ATXN8OS: variants seen among roughly 807,000 people sequenced by gnomAD.
ATXN8OS encodes ATXN8 opposite strand lncRNA.
At chr13:70,165,915 G>A (rs1265583251) in intron 4 of ATXN8OS, among the ~76,000 whole-genome samples, 3 of 151,918 alleles carry the variant, frequency 2.0e-5, no homozygotes, top group Admixed American at 1.3e-4. Context: ...AGCACAGAAA[G>A]TAAAATAATA....
intron 4 of ATXN8OS, among the ~76,000 whole-genome samples, chr13:70,152,581 TAATTC>T (rs1348702800): frequency 6.6e-6 from 1 of 152,010 alleles, no homozygotes; most frequent in Non-Finnish European, 1.5e-5. Context: ...TTTTTTCACT[TAATTC>T]ATCATGCATG....
intron 4 of ATXN8OS, among the ~76,000 whole-genome samples, chr13:70,167,853 A>G (rs1415643584): frequency 6.9e-6 from 1 of 145,036 alleles, no homozygotes; most frequent in East Asian, 2.1e-4. Flanking sequence ...CTCCCACCTC[A>G]GCCTCCCGTG....
intron 2 of ATXN8OS, among the ~76,000 whole-genome samples, chr13:70,116,126 A>T (rs1282994210): frequency 2.0e-5 from 3 of 150,102 alleles, no homozygotes; most frequent in Admixed American, 1.3e-4. Context: ...CTCTGTGCCA[A>T]GCCATGTTCA....
intron 3 of ATXN8OS, among the ~76,000 whole-genome samples, chr13:70,143,370 T>G (rs1011082299): frequency 1.3e-5 from 2 of 152,124 alleles, no homozygotes; most frequent in African/African-American, 4.8e-5. Flanking sequence ...TCTTTCAAAT[T>G]TGAAGCATCA....
chr13:70,135,808 T>C (rs1201489606), intron 3 of ATXN8OS, among the ~76,000 whole-genome samples: 1 of 152,186 alleles, frequency 6.6e-6, no homozygotes, highest in Non-Finnish European at 1.5e-5. Flanking sequence ...ACCAGATATA[T>C]AGTACATGAC....
rs66574752 is a variant in ATXN8OS, at chr13:70,153,014, C to CTGTGTGTGTGTGTG, written n.573+5614_573+5627dup. Among the ~76,000 whole-genome samples the CTGTGTGTGTGTGTG allele has an allele frequency of 1.6e-3, 223 of 141,800 alleles. 1 individual carries two copies. Among genetic ancestry groups the CTGTGTGTGTGTGTG allele is most frequent in the African/African-American group, 2.4e-3 (91 of 37,788 alleles). 93.0% of individuals were successfully genotyped at this position (141,800 alleles called of 152,430 possible). A position where few individuals can be genotyped will look rare whatever the true frequency, so the allele number is the denominator to read the frequency against. The stretch of plus-strand genomic sequence containing the variant: ...GAGTTAGAGAATGAATAAGAAAAAA[C>CTGTGTGTGTGTGTG]TGTGTGTGTGTGTGTGTGTGTGTGT... On this transcript the variant is annotated intron_variant and non_coding_transcript_variant, in intron 4 of 4. Transcript: ENST00000678624.
Position 70,166,358 on chromosome 13 carries a change from C to T in ATXN8OS, n.574-3395C>T, listed in dbSNP as rs1889075173. Reference sequence around the variant, plus strand: ...ACAGAACAGAACCCTCAGAAATAATCCGCATATCTACAACCATCTGATCTT... The same window carrying T: ...ACAGAACAGAACCCTCAGAAATAATTCGCATATCTACAACCATCTGATCTT... On this transcript the variant is annotated intron_variant and non_coding_transcript_variant, in intron 4 of 4. Coordinates refer to ENST00000678624, the Ensembl canonical transcript of ATXN8OS. Among the ~76,000 whole-genome samples the T allele has an allele frequency of 3.3e-5, 5 of 152,070 alleles. No homozygotes were observed. In the South Asian group the frequency reaches 1.0e-3, roughly 32 times the overall value.
chr13:70,142,563 CT>C lies in ATXN8OS; in HGVS notation n.500-4789del, dbSNP rs568821459. Among the ~76,000 whole-genome samples, 11 of 152,266 alleles carry C rather than the reference CT, an allele frequency of 7.2e-5. No homozygotes were observed. In the East Asian group the frequency reaches 1.9e-3, roughly 27 times the overall value. On this transcript the variant is annotated intron_variant and non_coding_transcript_variant, in intron 3 of 4. Transcript: ENST00000678624. ...CCTGCAAGGTGTGCCCTCAAACTTT[CT>C]TTGTATGTCTATGGCTTCATAACTG...
chr13:70,142,370 T>C (rs539762616), intron 3 of ATXN8OS, among the ~76,000 whole-genome samples: 84 of 152,324 alleles, frequency 5.5e-4, no homozygotes, highest in Non-Finnish European at 8.1e-4. Context: ...AAAATTGTTA[T>C]TAATTTACCT....
At chr13:70,152,362 T>TAC (rs1888879378) in intron 4 of ATXN8OS, among the ~76,000 whole-genome samples, 1 of 151,784 alleles carries the variant, frequency 6.6e-6, no homozygotes, top group Non-Finnish European at 1.5e-5. Context: ...TGTGTGTGTA[T>TAC]ATATACATAT....
chr13:70,128,367 C>A (rs1268449571), intron 2 of ATXN8OS, among the ~76,000 whole-genome samples: 1 of 152,012 alleles, frequency 6.6e-6, no homozygotes, highest in African/African-American at 2.4e-5. Flanking sequence ...CATTAGTGCC[C>A]CATAACTGTC....
At chr13:70,145,859 C>CTTCA (rs1483811463) in intron 3 of ATXN8OS, among the ~76,000 whole-genome samples, 3 of 151,204 alleles carry the variant, frequency 2.0e-5, no homozygotes, top group African/African-American at 4.9e-5. Flanking sequence ...TGGGCAAGGA[C>CTTCA]TTCATGTCTA....
intron 1 of ATXN8OS, among the ~76,000 whole-genome samples, chr13:70,113,095 T>C (rs2137469090): frequency 6.6e-6 from 1 of 151,664 alleles, no homozygotes; most frequent in South Asian, 2.1e-4. Flanking sequence ...CTAATTTTCG[T>C]ATTTTTAGTA....
chr13:70,132,858 A>AT (rs71196273), intron 3 of ATXN8OS, among the ~76,000 whole-genome samples: 34,408 of 138,938 alleles, frequency 0.25, 4,092 homozygotes, highest in South Asian at 0.4. Context: ...ACTAAAGTCT[A>AT]TTTTTTTTTT....
rs547985550 is a variant in ATXN8OS, at chr13:70,109,778, G to A, written n.240+1759G>A. The stretch of plus-strand genomic sequence containing the variant: ...TTTATCCAACAATGGAATCAAGTAA[G>A]CATTTCCCTTAGGGAAGAAAATAGT... On this transcript the variant is annotated intron_variant and non_coding_transcript_variant, in intron 1 of 4. Transcript: ENST00000678624. Among the ~76,000 whole-genome samples the A allele has an allele frequency of 5.1e-4, 78 of 152,166 alleles. 1 individual carries two copies. Among genetic ancestry groups the A allele is most frequent in the African/African-American group, 1.3e-3 (56 of 41,520 alleles).
chr13:70,132,621 GAAAATTA>G (rs554509146), intron 3 of ATXN8OS, among the ~76,000 whole-genome samples: 196 of 152,106 alleles, frequency 1.3e-3, no homozygotes, highest in African/African-American at 4.4e-3. Flanking sequence ...AATAAAAGTT[GAAAATTA>G]AAAATATATG....
At chr13:70,143,821 G>A (rs1022917937) in intron 3 of ATXN8OS, among the ~76,000 whole-genome samples, 9 of 152,080 alleles carry the variant, frequency 5.9e-5, no homozygotes, top group African/African-American at 2.2e-4. Context: ...ATTTAAGTTT[G>A]GGAGTATGGA....
intron 4 of ATXN8OS, among the ~76,000 whole-genome samples, chr13:70,156,200 C>T (rs931121465): frequency 1.3e-5 from 2 of 151,552 alleles, no homozygotes; most frequent in Non-Finnish European, 2.9e-5. Flanking sequence ...GATTTTCTTT[C>T]AAGAGCAGAC....
intron 3 of ATXN8OS, among the ~76,000 whole-genome samples, chr13:70,146,562 C>T (rs9634969): frequency 0.25 from 38,494 of 151,950 alleles, 5,017 homozygotes; most frequent in Admixed American, 0.31. Flanking sequence ...GGCACATATA[C>T]ACCAGGGAAT....
Sources: allele counts gnomAD v4.1 joint callset (sites outside exome capture counted in the v4.1 genomes callset), GRCh38; gene constraint gnomAD v4.1.1; transcripts MANE v1.5; gene names NCBI Gene and HGNC (gene_info 2026-07-23, HGNC 2026-07-21).